LRP1: variants seen among roughly 807,000 people sequenced by gnomAD.
LRP1 encodes the protein prolow-density lipoprotein receptor-related protein 1.
LRP1 carries 51 observed loss-of-function variants against 541.5 expected under a neutral mutation model. The ratio of observed to expected loss-of-function variants is 0.09; its 90% confidence interval spans 0.08 to 0.12. The LOEUF (loss-of-function observed/expected upper bound fraction) is 0.12, where lower values mean the gene tolerates loss of function less well. Among genes scored for constraint, LRP1 ranks in the 10% least tolerant of loss-of-function variants. The pLI is 1.00. For missense variants in LRP1, 3,878 were observed against 6,376.2 expected (o/e 0.61, Z 13.34); for synonymous variants, 2,219 against 2,470.8 (o/e 0.90, Z 3.02).
intron 2 of LRP1, among the ~76,000 whole-genome samples, chr12:57,140,274 A>G (rs569237563): frequency 1.3e-5 from 2 of 152,156 alleles, no homozygotes; most frequent in East Asian, 1.9e-4. Context: ...AAATCCTTCT[A>G]TCAGGCTTGT....
intron 6 of LRP1, among the ~76,000 whole-genome samples, chr12:57,151,560 CA>C (rs1038104709): frequency 6.6e-6 from 1 of 152,230 alleles, no homozygotes; most frequent in African/African-American, 2.4e-5. Flanking sequence ...GGCTGGGCGA[CA>C]AGGGGACGGC....
intron 1 of LRP1, among the ~76,000 whole-genome samples, chr12:57,133,110 T>G (rs759240527): frequency 1.3e-5 from 2 of 152,084 alleles, no homozygotes; most frequent in Non-Finnish European, 2.9e-5. Context: ...TGGCAGAACT[T>G]CCTCCTGACC....
intron 55 of LRP1, 133 bp from the exon 56 acceptor site, chr12:57,196,849 G>A: frequency 1.4e-6 from 1 of 718,908 alleles, no homozygotes; most frequent in Non-Finnish European, 2.3e-6. Context: ...GGCCAGCTGG[G>A]TGGGCTCAGT....
chr12:57,210,399 C>T lies in LRP1; in HGVS notation c.12673C>T (p.Arg4225Cys), dbSNP rs764102897. 4 of 1,606,646 alleles carry T rather than the reference C, an allele frequency of 2.5e-6. No individual in the cohort carries two copies. The highest frequency in any genetic ancestry group is 1.7e-5 in the Admixed American group (1 of 59,304). Residue 4225 changes from arginine to cysteine, a missense_variant, in exon 82 of 89, where the codon CGC (arginine) becomes TGC (cysteine). Arg to Cys is a radical substitution (Grantham distance 180, BLOSUM62 -3). Transcript: ENST00000243077. ...RRQPKCRCQP[R>C]YTGDKCELDQ... is the part of the protein sequence containing the mutation. ...GCAGCCCAAGTGCCGCTGCCAACCC[C>T]GCTACACGGGTGACAAGTGTGAACT... is the stretch of plus-strand genomic sequence containing the variant.
intron 80 of LRP1, 40 bp downstream of exon 80, chr12:57,209,908 T>G (rs1330786832): frequency 1.2e-6 from 2 of 1,606,524 alleles, no homozygotes; most frequent in South Asian, 2.2e-5. Flanking sequence ...AAGGGAGGCC[T>G]GTGGGCATTG....
chr12:57,203,379 A>G lies in LRP1; in HGVS notation c.10819-10A>G, dbSNP rs1284950642. The G allele has an allele frequency of 1.2e-6, 2 of 1,601,226 alleles. No homozygotes were observed. The highest frequency in any genetic ancestry group is 1.3e-5 in the African/African-American group (1 of 74,702). On this transcript the variant is annotated splice_polypyrimidine_tract_variant and intron_variant, in intron 69 of 88. Transcript: ENST00000243077. ...GAGAGGTGACCGGCTGCCTGTGCCC[A>G]TGCCCACAGAAAGACTGCACCCCCC... is the stretch of plus-strand genomic sequence containing the variant.
intron 18 of LRP1, 30 bp downstream of exon 18, chr12:57,167,076 T>A: frequency 6.3e-7 from 1 of 1,588,022 alleles, no homozygotes; most frequent in South Asian, 1.1e-5. Context: ...GGAGTCAGGC[T>A]GGGCCTGGGG....
At position 57,185,354 on chromosome 12, in the gene LRP1, A is replaced by T; in HGVS notation, c.6463+149A>T. ...TGGCCCGAGAGACCCAGGGATGGGGAGGAAAGGCTGAGGTGCTCTGGGACA... is the reference window on the plus strand; with the variant it reads ...TGGCCCGAGAGACCCAGGGATGGGGTGGAAAGGCTGAGGTGCTCTGGGACA... On this transcript the variant is annotated intron_variant, in intron 40 of 88. Coordinates refer to ENST00000243077, the MANE Select transcript of LRP1 (RefSeq NM_002332.3). The surrounding 1 kb of genome is among the most constrained non-coding windows in gnomAD (Gnocchi z 4.9). 1 of 1,372,778 alleles carries T rather than the reference A, an allele frequency of 7.3e-7. No individual in the cohort carries two copies. The highest frequency in any genetic ancestry group is 9.9e-7 in the Non-Finnish European group (1 of 1,011,746). The allele number at this position is 1,372,778 out of a possible 1,614,324, so 85.0% of individuals were successfully genotyped here.
In LRP1 at chr12:57,210,896, T is replaced by C. The variant is rs1235163555; in HGVS notation, c.12916+17T>C. 1 of 1,604,088 alleles carries C rather than the reference T, an allele frequency of 6.2e-7. No individual in the cohort carries two copies. On this transcript the variant is annotated intron_variant, in intron 83 of 88. Transcript: ENST00000243077. ...GCCAGTACCGTGAGTGAGCCATCCC[T>C]GGGCCCCAGGGCATGCGGGAGGGTG...
Position 57,191,232 on chromosome 12 carries a change from T to C in LRP1, c.7237-88T>C, listed in dbSNP as rs866354525. ...CCTCTGCGGGCCCTCATTCTGTAGC[T>C]GTCAGAGGCCAGGCCAGGCTGTGGT... On this transcript the variant is annotated intron_variant, in intron 43 of 88. Transcript: ENST00000243077. The C allele has an allele frequency of 1.1e-4, 140 of 1,333,064 alleles. No individual in the cohort carries two copies. The African/African-American group carries it at 1.8e-3, about 17-fold the overall frequency. 82.6% of individuals were successfully genotyped at this position (1,333,064 alleles called of 1,614,324 possible).
At chr12:57,167,993 T>A (rs2035872797) in intron 19 of LRP1, among the ~76,000 whole-genome samples, 1 of 152,174 alleles carries the variant, frequency 6.6e-6, no homozygotes, top group Non-Finnish European at 1.5e-5. Flanking sequence ...TGTGTGTAAA[T>A]GTGCGGGCAG....
At chr12:57,199,785 G>T in intron 61 of LRP1, 92 bp from the exon 62 acceptor site, 1 of 1,442,440 alleles carries the variant, frequency 6.9e-7, no homozygotes, top group South Asian at 1.4e-5. Context: ...GCAGGGTTCA[G>T]ACCCACCCGC....
At position 57,200,524 on chromosome 12, in the gene LRP1, C is replaced by T. The variant is rs1200280307; in HGVS notation, c.10097C>T (p.Pro3366Leu). ...GACTGCGGGGACCACTCAGACGAGC[C>T]CCCGGACTGCCGTGAGTGCCTGCTG... The part of the protein sequence containing the change: ...EDDCGDHSDE[P>L]PDCPEFKCRP... Residue 3366 changes from proline (P) to leucine (L), a missense_variant, in exon 63 of 89, where the codon CCC becomes CTC. Transcript: ENST00000243077. 12 of 1,613,526 alleles carry T rather than the reference C, an allele frequency of 7.4e-6. No homozygotes were observed. The highest frequency in any genetic ancestry group is 1.0e-5 in the Non-Finnish European group (12 of 1,179,918).
chr12:57,204,907 G>A lies in LRP1; in HGVS notation c.11194+158G>A. On this transcript the variant is annotated intron_variant, in intron 72 of 88. Coordinates refer to ENST00000243077, the MANE Select transcript of LRP1 (RefSeq NM_002332.3). The surrounding 1 kb of genome is among the most constrained non-coding windows in gnomAD (Gnocchi z 5.3). Reference sequence around the variant, plus strand: ...TAGGAGCCTGGGGGCTTTTCGTTAGGAAAGAGAAGCCCCTGGGGAAGGCTC... The same window carrying A: ...TAGGAGCCTGGGGGCTTTTCGTTAGAAAAGAGAAGCCCCTGGGGAAGGCTC... 7.3e-7 allele frequency: 1 copy of A among 1,360,742 alleles called. No homozygotes were observed. The highest frequency in any genetic ancestry group is 1.5e-5 in the African/African-American group (1 of 68,842). 84.3% of individuals were successfully genotyped at this position (1,360,742 alleles called of 1,614,324 possible). A position where few individuals can be genotyped will look rare whatever the true frequency, so the allele number is the denominator to read the frequency against.
In LRP1 at chr12:57,197,264, G is replaced by A. The variant is rs922232523; in HGVS notation, c.9077-35G>A. Reference sequence around the variant, plus strand: ...GGCAGGAGACCAGGGCCGCTAGAATGTGCCAGGAGCTGAGGCAAGATCCTC... The same window carrying A: ...GGCAGGAGACCAGGGCCGCTAGAATATGCCAGGAGCTGAGGCAAGATCCTC... On this transcript the variant is annotated intron_variant, in intron 56 of 88. Transcript: ENST00000243077. The surrounding 1 kb of genome is among the most constrained non-coding windows in gnomAD (Gnocchi z 4.5). 2 of 1,613,284 alleles carry A rather than the reference G, an allele frequency of 1.2e-6. No homozygotes were observed. The highest frequency in any genetic ancestry group is 1.7e-5 in the Admixed American group (1 of 60,028).
intron 22 of LRP1, 86 bp downstream of exon 22, chr12:57,174,066 G>A: frequency 1.5e-6 from 2 of 1,378,472 alleles, no homozygotes; most frequent in Non-Finnish European, 2.0e-6. Context: ...CCTGAGTCTA[G>A]GAGAGAGCAG....
intron 6 of LRP1, chr12:57,149,857 T>C: frequency 1.5e-6 from 1 of 668,126 alleles, no homozygotes; most frequent in South Asian, 1.6e-5. Context: ...ACCTTCGAAG[T>C]CCTCAGACTC....
chr12:57,130,894 G>T (rs778349842), intron 1 of LRP1, among the ~76,000 whole-genome samples: 1 of 152,104 alleles, frequency 6.6e-6, no homozygotes, highest in Admixed American at 6.5e-5. Flanking sequence ...ACTATCCAAA[G>T]CCCCAGGAGA....
intron 42 of LRP1, among the ~76,000 whole-genome samples, chr12:57,187,664 T>C (rs1341037432): frequency 6.6e-6 from 1 of 152,220 alleles, no homozygotes; most frequent in African/African-American, 2.4e-5. Context: ...AGATTCCAGC[T>C]GCCTGCACCA....
Sources: allele counts gnomAD v4.1 joint callset (sites outside exome capture counted in the v4.1 genomes callset), GRCh38; gene constraint gnomAD v4.1.1; non-coding constraint Gnocchi (gnomAD v3.1); transcripts MANE v1.5; gene names NCBI Gene and HGNC (gene_info 2026-07-23, HGNC 2026-07-21).